Variants in COXFA4L2 observed in about 807,000 individuals in gnomAD.
COXFA4L2 encodes cytochrome c oxidase hypoxia associated subunit FA4L2, also known as NADH dehydrogenase (ubiquinone) 1 alpha subcomplex, 4-like 2.
the COXFA4L2 span, chr12:57,236,595 G>C: frequency 8.2e-6 from 13 of 1,578,702 alleles, no homozygotes; most frequent in Non-Finnish European, 1.1e-5. Flanking sequence ...GCCTTTACCA[G>C]ACGTCGGGGC....
chr12:57,237,133 C>T, the COXFA4L2 span: 6 of 1,614,018 alleles, frequency 3.7e-6, no homozygotes, highest in East Asian at 2.2e-5. Flanking sequence ...TGTCCTCTCC[C>T]TCCTCCTGGG....
the COXFA4L2 span, chr12:57,239,824 T>G: frequency 6.5e-6 from 1 of 152,776 alleles, no homozygotes; most frequent in Non-Finnish European, 1.5e-5. The surrounding 1 kb of genome is among the most constrained non-coding windows in gnomAD (Gnocchi z 5.5). Context: ...TCCATCTCAC[T>G]GTGTCTCTCT....
the COXFA4L2 span, chr12:57,236,136 G>T: frequency 5.7e-5 from 20 of 348,988 alleles, no homozygotes; most frequent in Non-Finnish European, 7.2e-5. Context: ...ATCCCAAGGG[G>T]CTGGGTTTCT....
chr12:57,240,463 A>G, the COXFA4L2 span: 2 of 153,586 alleles, frequency 1.3e-5, no homozygotes, highest in Admixed American at 6.5e-5. Context: ...TTCTTCAATA[A>G]TGGATGGAGA....
At chr12:57,238,438 T>C in the COXFA4L2 span, among the ~76,000 whole-genome samples, 1 of 152,026 alleles carries the variant, frequency 6.6e-6, no homozygotes, top group Non-Finnish European at 1.5e-5. The surrounding 1 kb of genome is among the most constrained non-coding windows in gnomAD (Gnocchi z 6.8). Context: ...GCTGACGGGC[T>C]GTTAGAGCCT....
At chr12:57,236,115 A>C in the COXFA4L2 span, 1 of 363,556 alleles carries the variant, frequency 2.8e-6, no homozygotes, top group Non-Finnish European at 4.9e-6. Context: ...AGTCGTGGGA[A>C]TCAGACACAG....
At chr12:57,236,799 G>T in the COXFA4L2 span, 1 of 998,644 alleles carries the variant, frequency 1.0e-6, no homozygotes, top group Non-Finnish European at 1.5e-6. Flanking sequence ...TCCCTCCCTG[G>T]AATCTCCTAC....
the COXFA4L2 span, chr12:57,237,225 C>A: frequency 2.0e-6 from 3 of 1,526,412 alleles, no homozygotes; most frequent in Non-Finnish European, 2.6e-6. Context: ...GGACTCACCC[C>A]ACCCCAACTT....
the COXFA4L2 span, among the ~76,000 whole-genome samples, chr12:57,239,237 A>T: frequency 1.3e-5 from 2 of 152,114 alleles, no homozygotes; most frequent in African/African-American, 4.8e-5. This position sits in a 1 kb window ranked among gnomAD's most constrained non-coding sequence, Gnocchi z 5.5. Context: ...CTGGAGGCCG[A>T]GCGGCCCCCA....
chr12:57,236,693 A>T, the COXFA4L2 span: 1 of 1,552,368 alleles, frequency 6.4e-7, no homozygotes, highest in Non-Finnish European at 8.7e-7. Flanking sequence ...TGCGGGGAAG[A>T]GGGAGAGCAC....
chr12:57,236,277 C>G, the COXFA4L2 span: 3 of 383,634 alleles, frequency 7.8e-6, no homozygotes, highest in African/African-American at 2.1e-5. Context: ...GGCCACAACC[C>G]CAGTGCTCTG....
the COXFA4L2 span, chr12:57,235,716 AT>A: frequency 6.2e-7 from 1 of 1,611,156 alleles, no homozygotes; most frequent in Middle Eastern, 1.7e-4. Flanking sequence ...AGATAAGAGG[AT>A]GGGGGGCAAC....
the COXFA4L2 span, chr12:57,237,129 C>T: frequency 5.6e-6 from 9 of 1,614,144 alleles, no homozygotes; most frequent in Non-Finnish European, 7.6e-6. Context: ...GCTCTGTCCT[C>T]TCCCTCCTCC....
the COXFA4L2 span, among the ~76,000 whole-genome samples, chr12:57,238,206 G>C: frequency 1.3e-5 from 2 of 152,164 alleles, no homozygotes; most frequent in Non-Finnish European, 2.9e-5. This position sits in a 1 kb window ranked among gnomAD's most constrained non-coding sequence, Gnocchi z 6.8. Context: ...GGGATCGTCG[G>C]GGTACAGGGA....
chr12:57,236,447 GTCA>G, the COXFA4L2 span: 5 of 641,942 alleles, frequency 7.8e-6, no homozygotes, highest in African/African-American at 9.5e-5. Context: ...GGTCTCCCAG[GTCA>G]GCAGTGGGCT....
the COXFA4L2 span, chr12:57,237,345 G>C: frequency 7.1e-7 from 1 of 1,404,180 alleles, no homozygotes; most frequent in Admixed American, 3.0e-5. Flanking sequence ...CCTGGACCAA[G>C]GGACACCATC....
the COXFA4L2 span, chr12:57,239,996 T>G: frequency 6.6e-6 from 1 of 152,338 alleles, no homozygotes; most frequent in East Asian, 1.9e-4. The surrounding 1 kb of genome is among the most constrained non-coding windows in gnomAD (Gnocchi z 5.5). Context: ...CTCATCCTGG[T>G]CACCTCCACA....
chr12:57,237,223 C>A, the COXFA4L2 span: 91 of 1,528,600 alleles, frequency 6.0e-5, no homozygotes, highest in African/African-American at 1.1e-3. Context: ...TTGGACTCAC[C>A]CCACCCCAAC....
the COXFA4L2 span, chr12:57,235,374 C>T: frequency 3.0e-6 from 2 of 657,710 alleles, no homozygotes; most frequent in South Asian, 3.6e-5. Flanking sequence ...GTCAGAGGCG[C>T]TTCCGCTGCT....
Sources: allele counts gnomAD v4.1 joint callset (sites outside exome capture counted in the v4.1 genomes callset), GRCh38; gene constraint gnomAD v4.1.1; non-coding constraint Gnocchi (gnomAD v3.1); transcripts MANE v1.5; gene names NCBI Gene and HGNC (gene_info 2026-07-23, HGNC 2026-07-21).